The following CDC27 variants were observed in gnomAD, a reference collection of about 807,000 sequenced individuals.
The protein encoded by CDC27 is cell division cycle 27.
CDC27 carries 27 observed loss-of-function variants against 109.7 expected under a neutral mutation model. The observed-to-expected ratio is 0.25, with a 90% CI of 0.18 to 0.34. The LOEUF (loss-of-function observed/expected upper bound fraction) is 0.34, where lower values mean the gene tolerates loss of function less well. Ranked by LOEUF, CDC27 falls within the 10% of genes least tolerant of loss-of-function variation. CDC27 has a pLI of 1.00. For synonymous variants in CDC27, 266 were observed against 333.9 expected (o/e 0.80, Z 2.22); for missense variants, 579 against 960.2 (o/e 0.60, Z 5.25).
At chr17:47,173,859 GA>G (rs1254627234) in intron 2 of CDC27, among the ~76,000 whole-genome samples, 2 of 152,268 alleles carry the variant, frequency 1.3e-5, no homozygotes, top group Non-Finnish European at 2.9e-5. Context: ...TTGGGAGGCT[GA>G]GGCAGGCAGA....
At chr17:47,150,947 A>G (rs858680) in intron 9 of CDC27, among the ~76,000 whole-genome samples, 92,428 of 151,902 alleles carry the variant, frequency 0.61, 28,595 homozygotes, top group Admixed American at 0.69. Context: ...CAGGAGAATC[A>G]CTTGAACCCG....
At chr17:47,126,942 C>T (rs1352401414) in intron 16 of CDC27, among the ~76,000 whole-genome samples, 1 of 152,038 alleles carries the variant, frequency 6.6e-6, no homozygotes, top group Non-Finnish European at 1.5e-5. Flanking sequence ...TACAGGAGTG[C>T]ACCACCAGGC....
rs1228478573 is a variant in CDC27 at position 47,151,555 on chromosome 17, G to A, written c.1070+251C>T. 3.3e-5 allele frequency among the ~76,000 whole-genome samples: 5 copies of A among 152,264 alleles called. No individual in the cohort carries two copies. In the East Asian group the frequency reaches 9.7e-4, roughly 29 times the overall value. Reference sequence around the variant, plus strand: ...ATAGAAAGGGTCATGTGCATAAGAAGAAAATTACAAATCCATGAGGCAATC... The same window carrying A: ...ATAGAAAGGGTCATGTGCATAAGAAAAAAATTACAAATCCATGAGGCAATC... On this transcript the variant is annotated intron_variant, in intron 9 of 18. Coordinates refer to ENST00000066544, the MANE Select transcript of CDC27 (RefSeq NM_001256.6).
rs34061862 is a variant in CDC27 at position 47,180,945 on chromosome 17, TAA to T, written c.103+615_103+616del. Among the ~76,000 whole-genome samples, 422 of 111,654 alleles carry T rather than the reference TAA, an allele frequency of 3.8e-3. 2 individuals are homozygous for T. Among genetic ancestry groups the T allele is most frequent in the African/African-American group, 0.014 (400 of 28,902 alleles). The allele number at this position is 111,654 out of a possible 152,430, so 73.2% of individuals were successfully genotyped here. ...CACCATAGAATACAGACTCTTTTCTTAAAAAAAAAAAAAAAAAAAAAAAATAC... is the reference window on the plus strand; with the variant it reads ...CACCATAGAATACAGACTCTTTTCTTAAAAAAAAAAAAAAAAAAAAAATAC... On this transcript the variant is annotated intron_variant, in intron 2 of 18. Coordinates refer to ENST00000066544, the MANE Select transcript of CDC27 (RefSeq NM_001256.6).
At chr17:47,173,896 C>T (rs1463128339) in intron 2 of CDC27, among the ~76,000 whole-genome samples, 2 of 152,114 alleles carry the variant, frequency 1.3e-5, no homozygotes, top group Non-Finnish European at 2.9e-5. Flanking sequence ...AATTCAAGCC[C>T]AGCCTGGCCA....
intron 14 of CDC27, among the ~76,000 whole-genome samples, chr17:47,133,034 CACACACACACACACACACACATACATAT>C (rs1171343440): frequency 1.8e-5 from 1 of 56,950 alleles, no homozygotes; most frequent in African/African-American, 5.7e-5. Context: ...TATATACACA[CACACACACACACACACACACATACATAT>C]ACACACACAC....
intron 7 of CDC27, chr17:47,156,636 C>T (rs1348590944): frequency 2.4e-5 from 5 of 208,760 alleles, no homozygotes; most frequent in Admixed American, 5.9e-5. Context: ...TTAGTAGAGA[C>T]AGGGTTTCAC....
chr17:47,167,430 T>C (rs2063683736), intron 4 of CDC27, among the ~76,000 whole-genome samples: 1 of 152,198 alleles, frequency 6.6e-6, no homozygotes, highest in Non-Finnish European at 1.5e-5. Flanking sequence ...TCTTTGAACA[T>C]CTATTTTCCT....
chr17:47,182,475 CCA>C (rs1227599452), intron 1 of CDC27, among the ~76,000 whole-genome samples: 1 of 152,182 alleles, frequency 6.6e-6, no homozygotes, highest in African/African-American at 2.4e-5. Context: ...GAGGAAACCA[CCA>C]CACTGAATTT....
intron 4 of CDC27, chr17:47,159,656 C>A (rs958390391): frequency 4.5e-6 from 2 of 444,406 alleles, no homozygotes; most frequent in African/African-American, 4.1e-5. Context: ...GCATTTAACA[C>A]CCAGACCGAC....
At chr17:47,124,178 AACACACACACACACACACAC>A (rs59790354) in intron 16 of CDC27, among the ~76,000 whole-genome samples, 1 of 144,392 alleles carries the variant, frequency 6.9e-6, no homozygotes, top group East Asian at 2.0e-4. Flanking sequence ...GTACACTGAA[AACACACACACACACACACAC>A]ACACACACAC....
chr17:47,165,491 T>G (rs1297446087), intron 4 of CDC27, among the ~76,000 whole-genome samples: 1 of 152,200 alleles, frequency 6.6e-6, no homozygotes, highest in Non-Finnish European at 1.5e-5. Context: ...AAATGTCCAT[T>G]CAATTGTTTT....
intron 13 of CDC27, 23 bp downstream of exon 13, chr17:47,138,716 G>A (rs749104819): frequency 1.3e-6 from 2 of 1,572,376 alleles, no homozygotes. Context: ...AACTATATAA[G>A]CAAAGTATTT....
At chr17:47,169,887 T>C (rs2063762902) in intron 4 of CDC27, 30 bp downstream of exon 4, 4 of 1,541,612 alleles carry the variant, frequency 2.6e-6, no homozygotes, top group African/African-American at 1.4e-5. Context: ...TGGAAATGCT[T>C]TTCTGACAGT....
chr17:47,149,848 G>T (rs567614669), intron 9 of CDC27, among the ~76,000 whole-genome samples: 1 of 152,218 alleles, frequency 6.6e-6, no homozygotes, highest in African/African-American at 2.4e-5. Flanking sequence ...CCAGCTACAT[G>T]GGAGGCTGAG....
intron 8 of CDC27, among the ~76,000 whole-genome samples, chr17:47,152,649 T>C (rs1177212026): frequency 6.6e-6 from 1 of 152,206 alleles, no homozygotes; most frequent in Non-Finnish European, 1.5e-5. Flanking sequence ...AGAATTTTCT[T>C]CAAAACTTAC....
chr17:47,147,152 G>A (rs1349481547), intron 9 of CDC27, among the ~76,000 whole-genome samples: 2 of 152,108 alleles, frequency 1.3e-5, no homozygotes, highest in African/African-American at 4.8e-5. Context: ...TGTAATCCCA[G>A]CACTTTGGGA....
Position 47,189,252 on chromosome 17 carries a change from T to C in CDC27, c.-80A>G. ...CCGGCCCGGCCAGCCCCTGCTCATT[T>C]AAACTCACCAGCGACCGTTACCGGG... On this transcript the variant is annotated 5_prime_UTR_variant, in exon 1 of 19. Coordinates refer to ENST00000066544, the MANE Select transcript of CDC27 (RefSeq NM_001256.6). 1 of 1,104,528 alleles carries C rather than the reference T, an allele frequency of 9.1e-7. No homozygotes were observed. Among genetic ancestry groups the C allele is most frequent in the Non-Finnish European group, 1.4e-6 (1 of 720,084 alleles). The allele number at this position is 1,104,528 out of a possible 1,614,324, so 68.4% of individuals were successfully genotyped here. A position where few individuals can be genotyped will look rare whatever the true frequency, so the allele number is the denominator to read the frequency against.
In CDC27 at chr17:47,157,392, G is replaced by GAAAA; in HGVS notation, c.476-9_476-8insTTTT. 2 of 1,417,300 alleles carry GAAAA rather than the reference G, an allele frequency of 1.4e-6. No individual in the cohort carries two copies. The highest frequency in any genetic ancestry group is 2.7e-5 in the Admixed American group (1 of 36,954). The allele number at this position is 1,417,300 out of a possible 1,614,324, so 87.8% of individuals were successfully genotyped here. A position where few individuals can be genotyped will look rare whatever the true frequency, so the allele number is the denominator to read the frequency against. On this transcript the variant is annotated splice_polypyrimidine_tract_variant and intron_variant, in intron 5 of 18. Transcript: ENST00000066544. Reference sequence around the variant, plus strand: ...CAGGATCTGGCTTTTCACCTGTGAAGACAAAAAAAAAAAAAGTTTGTCTCT... The same window carrying GAAAA: ...CAGGATCTGGCTTTTCACCTGTGAAGAAAAACAAAAAAAAAAAAAGTTTGTCTCT...
Sources: gnomAD v4.1 joint callset for allele counts (sites outside exome capture counted in the v4.1 genomes callset) on GRCh38, gnomAD v4.1.1 for gene constraint, MANE v1.5 for transcripts, NCBI Gene and HGNC (gene_info 2026-07-23, HGNC 2026-07-21) for gene names.